Variants in ZZZ3 observed in about 807,000 individuals in gnomAD.
The protein encoded by ZZZ3 is ZZ-type zinc finger-containing protein 3.
A neutral mutation model predicts 95.2 loss-of-function variants in ZZZ3; 22 were observed. The ratio of observed to expected loss-of-function variants is 0.23; its 90% confidence interval spans 0.17 to 0.33. The LOEUF is 0.33. ZZZ3 is among the 10% of genes least tolerant of loss of function. The probability of loss-of-function intolerance (pLI) is 1.00; values close to 1 mark genes in which losing one functional copy is unlikely to be tolerated. For missense variants in ZZZ3, 885 were observed against 1,066.5 expected (o/e 0.83, Z 2.37); for synonymous variants, 335 against 358.9 (o/e 0.93, Z 0.75).
chr1:77,604,065 G>T (rs1664996586), intron 5 of ZZZ3, among the ~76,000 whole-genome samples: 1 of 152,184 alleles, frequency 6.6e-6, no homozygotes, highest in African/African-American at 2.4e-5. Context: ...CTACTCAGGA[G>T]GCTGAAGTGG....
intron 12 of ZZZ3, among the ~76,000 whole-genome samples, chr1:77,572,340 G>C (rs374282339): frequency 2.0e-5 from 3 of 151,924 alleles, no homozygotes; most frequent in East Asian, 3.9e-4. Context: ...GGGTTTTTTT[G>C]TTTTGTTTTG....
intron 5 of ZZZ3, among the ~76,000 whole-genome samples, chr1:77,603,353 A>G (rs886360006): frequency 6.6e-6 from 1 of 152,192 alleles, no homozygotes; most frequent in African/African-American, 2.4e-5. Flanking sequence ...TGCTACGATT[A>G]TAGGAATGAG....
chr1:77,626,772 T>A (rs1667376559), intron 5 of ZZZ3, among the ~76,000 whole-genome samples: 1 of 152,224 alleles, frequency 6.6e-6, no homozygotes, highest in Non-Finnish European at 1.5e-5. Context: ...TCCTTAGTAA[T>A]CTTTGACTTT....
chr1:77,565,654 G>T lies in ZZZ3; in HGVS notation c.2698C>A (p.Pro900Thr), dbSNP rs1239060348. Residue 900 changes from proline to threonine, a missense_variant, in exon 15 of 15, where the codon CCA (proline) becomes ACA (threonine). Pro to Thr is a conservative substitution (Grantham distance 38, BLOSUM62 -1). Around this residue, in one of 5 missense-constraint regions of ZZZ3, gnomAD observed 221 missense variants for 247.8 expected, o/e 0.89. Transcript: ENST00000370801. ...SYNYLDPNYF[P>T]ANR Reference sequence around the variant, plus strand: ...TCTCTTCCATGTCATCTGTTTGCTGGAAAGTAGTTTGGGTCAAGGTAATTG... The same window carrying T: ...TCTCTTCCATGTCATCTGTTTGCTGTAAAGTAGTTTGGGTCAAGGTAATTG... 1.2e-6 allele frequency: 2 copies of T among 1,613,652 alleles called. No homozygotes were observed. The highest frequency in any genetic ancestry group is 1.7e-6 in the Non-Finnish European group (2 of 1,179,786).
At position 77,661,055 on chromosome 1, in the gene ZZZ3, C is replaced by CAA. The variant is rs201335878; in HGVS notation, c.-402-19402_-402-19401dup. Among the ~76,000 whole-genome samples the CAA allele has an allele frequency of 2.9e-3, 230 of 80,388 alleles. 2 individuals carry two copies. The highest frequency in any genetic ancestry group is 8.3e-3 in the African/African-American group (207 of 25,068). The allele number at this position is 80,388 out of a possible 152,430, so 52.7% of individuals were successfully genotyped here. On this transcript the variant is annotated intron_variant, in intron 1 of 14. Coordinates refer to ENST00000370801, the MANE Select transcript of ZZZ3 (RefSeq NM_015534.6). ...AAATTGAGCTTTAATTGCTTTAACG[C>CAA]AAAAAAAAAAAAAAAAAAATCATTG...
intron 5 of ZZZ3, among the ~76,000 whole-genome samples, chr1:77,621,454 T>A (rs1666852115): frequency 7.8e-6 from 1 of 128,612 alleles, no homozygotes; most frequent in African/African-American, 2.9e-5. Context: ...AAAAAAAAAA[T>A]CCAGTGAAGA....
chr1:77,654,744 T>C (rs1202818154), intron 1 of ZZZ3, among the ~76,000 whole-genome samples: 1 of 152,242 alleles, frequency 6.6e-6, no homozygotes, highest in East Asian at 1.9e-4. Context: ...TCCATCTCTA[T>C]GAAGCTTACT....
chr1:77,651,725 G>C (rs370790404), intron 1 of ZZZ3, among the ~76,000 whole-genome samples: 1 of 152,098 alleles, frequency 6.6e-6, no homozygotes, highest in Non-Finnish European at 1.5e-5. Context: ...CTTTAAAAAT[G>C]GTTAAAATGG....
chr1:77,630,588 C>T (rs566401345), intron 5 of ZZZ3, among the ~76,000 whole-genome samples: 3 of 152,276 alleles, frequency 2.0e-5, no homozygotes, highest in African/African-American at 7.2e-5. Flanking sequence ...AGTTGTTTTG[C>T]TATCTAAAAC....
At chr1:77,624,310 T>C (rs1667145183) in intron 5 of ZZZ3, among the ~76,000 whole-genome samples, 1 of 152,170 alleles carries the variant, frequency 6.6e-6, no homozygotes, top group Non-Finnish European at 1.5e-5. Flanking sequence ...GAGACCCTTT[T>C]GTTCTAATAA....
intron 1 of ZZZ3, among the ~76,000 whole-genome samples, chr1:77,660,474 C>T (rs533454693): frequency 6.2e-4 from 95 of 152,296 alleles, no homozygotes; most frequent in Non-Finnish European, 1.1e-3. Flanking sequence ...TGGAAACATA[C>T]AGTATCTTTT....
At chr1:77,621,297 CAGA>C (rs1169223329) in intron 5 of ZZZ3, among the ~76,000 whole-genome samples, 1 of 148,756 alleles carries the variant, frequency 6.7e-6, no homozygotes, top group African/African-American at 2.5e-5. Context: ...CTGGGCAACA[CAGA>C]AGGAGCCTGT....
chr1:77,585,683 A>G (rs1009001028), intron 5 of ZZZ3, among the ~76,000 whole-genome samples: 35 of 152,360 alleles, frequency 2.3e-4, no homozygotes, highest in African/African-American at 7.5e-4. Context: ...TTGTTTAGCT[A>G]GTATGCAACA....
chr1:77,607,919 C>CAA (rs552924354), intron 5 of ZZZ3, among the ~76,000 whole-genome samples: 25 of 56,964 alleles, frequency 4.4e-4, no homozygotes, highest in African/African-American at 7.2e-4. Flanking sequence ...GACTCTGTCT[C>CAA]AAAAAAAAAA....
intron 12 of ZZZ3, among the ~76,000 whole-genome samples, chr1:77,569,309 C>T (rs1249885121): frequency 6.6e-6 from 1 of 152,088 alleles, no homozygotes; most frequent in African/African-American, 2.4e-5. Context: ...TGCACTCCAG[C>T]CTGGGAGACA....
chr1:77,660,530 C>T (rs1162718004), intron 1 of ZZZ3, among the ~76,000 whole-genome samples: 2 of 152,158 alleles, frequency 1.3e-5, no homozygotes, highest in East Asian at 3.8e-4. Flanking sequence ...AAGGTTCATC[C>T]ATGTGGCAAC....
At chr1:77,615,292 T>C (rs1246923644) in intron 5 of ZZZ3, among the ~76,000 whole-genome samples, 3 of 152,208 alleles carry the variant, frequency 2.0e-5, no homozygotes, top group African/African-American at 7.2e-5. Context: ...TTTTTACCAA[T>C]ATGTTTAGAA....
intron 1 of ZZZ3, among the ~76,000 whole-genome samples, chr1:77,650,949 G>A (rs989505900): frequency 6.6e-6 from 1 of 152,158 alleles, no homozygotes; most frequent in Admixed American, 6.6e-5. Context: ...ACAATTCATT[G>A]AGGACATAAT....
chr1:77,671,385 T>TA (rs1185467104), intron 1 of ZZZ3, among the ~76,000 whole-genome samples: 1 of 152,134 alleles, frequency 6.6e-6, no homozygotes, highest in Non-Finnish European at 1.5e-5. Context: ...AATGTCACTG[T>TA]AAAATGTGAT....
Sources: gnomAD v4.1 joint callset for allele counts (sites outside exome capture counted in the v4.1 genomes callset) on GRCh38, gnomAD v4.1.1 for gene constraint, gnomAD v4.1.1 regional missense constraint, MANE v1.5 for transcripts, NCBI Gene and HGNC (gene_info 2026-07-23, HGNC 2026-07-21) for gene names.